Variants in INPP5B observed in about 807,000 individuals in gnomAD.
The protein encoded by INPP5B is inositol polyphosphate-5-phosphatase B.
INPP5B carries 90 observed loss-of-function variants against 118.5 expected under a neutral mutation model. The ratio of observed to expected loss-of-function variants is 0.76; its 90% CI spans 0.64 to 0.90. INPP5B has a LOEUF of 0.90. INPP5B is among the 40% of genes least tolerant of loss of function. The probability of loss-of-function intolerance (pLI) is 0.00; values close to 1 mark genes in which losing one functional copy is unlikely to be tolerated. For missense variants in INPP5B, 984 were observed against 1,125.6 expected, an observed-to-expected ratio of 0.87 and a Z score of 1.80; for synonymous variants, 385 against 418.9, an observed-to-expected ratio of 0.92 and a Z score of 0.99.
At chr1:37,944,757 T>G (rs1646056219) in intron 3 of INPP5B, among the ~76,000 whole-genome samples, 1 of 151,962 alleles carries the variant, frequency 6.6e-6, no homozygotes, top group Admixed American at 6.6e-5. Context: ...AATTTTCTTA[T>G]TTTTTGTAGA....
At chr1:37,943,755 C>T in intron 4 of INPP5B, 41 bp downstream of exon 4, 1 of 1,609,018 alleles carries the variant, frequency 6.2e-7, no homozygotes, top group Non-Finnish European at 8.5e-7. Flanking sequence ...AGCTGGGGGG[C>T]CCATAGGAGA....
intron 6 of INPP5B, among the ~76,000 whole-genome samples, chr1:37,933,201 T>C (rs1318670214): frequency 6.6e-6 from 1 of 152,212 alleles, no homozygotes; most frequent in East Asian, 1.9e-4. Flanking sequence ...ACTTGGCTTA[T>C]TGAAGAAGGC....
intron 7 of INPP5B, among the ~76,000 whole-genome samples, chr1:37,896,844 G>GC (rs1644116520): frequency 7.3e-6 from 1 of 136,326 alleles, no homozygotes; most frequent in Non-Finnish European, 1.6e-5. Flanking sequence ...CTGCCTAGCC[G>GC]CCCCTACGGG....
chr1:37,888,493 C>A, intron 9 of INPP5B, 149 bp from the exon 10 acceptor site: 1 of 481,880 alleles, frequency 2.1e-6, no homozygotes, highest in Non-Finnish European at 3.7e-6. Context: ...ACCAGGACTG[C>A]AGCACCAAGG....
chr1:37,884,998 T>C (rs1465171169), intron 13 of INPP5B: 3 of 152,098 alleles, frequency 2.0e-5, no homozygotes, highest in South Asian at 4.1e-4. Context: ...CAAGGACACA[T>C]GATGCTTGAG....
chr1:37,893,824 C>CT (rs1227821202), intron 7 of INPP5B, among the ~76,000 whole-genome samples: 2 of 152,222 alleles, frequency 1.3e-5, no homozygotes, highest in Non-Finnish European at 2.9e-5. Context: ...ATGCCATGCT[C>CT]TAAGCATATT....
At chr1:37,891,307 TGAG>T (rs763279105) in intron 8 of INPP5B, 48 bp downstream of exon 8, 3 of 1,345,760 alleles carry the variant, frequency 2.2e-6, no homozygotes, top group South Asian at 2.3e-5. Flanking sequence ...CTCAGTACTG[TGAG>T]GAGAACCTCA....
chr1:37,883,066 C>T (rs528353319), intron 13 of INPP5B, 148 bp from the exon 14 acceptor site: 6 of 1,435,150 alleles, frequency 4.2e-6, no homozygotes, highest in East Asian at 2.5e-5. Context: ...TTTTTTCTCT[C>T]GCCATCCCAT....
At chr1:37,866,261 A>T (rs887955712) in intron 21 of INPP5B, among the ~76,000 whole-genome samples, 198 bp downstream of exon 21, 2 of 152,202 alleles carry the variant, frequency 1.3e-5, no homozygotes, top group Non-Finnish European at 1.5e-5. Flanking sequence ...TGTCTCAAAA[A>T]ATAAATAAAT....
chr1:37,944,035 C>T, intron 3 of INPP5B, 142 bp from the exon 4 acceptor site: 3 of 658,492 alleles, frequency 4.6e-6, no homozygotes, highest in Non-Finnish European at 8.3e-6. Flanking sequence ...CTCCTCATGC[C>T]ATCTCTGTCT....
chr1:37,873,239 G>C, intron 18 of INPP5B, 74 bp from the exon 19 acceptor site: 3 of 1,027,638 alleles, frequency 2.9e-6, no homozygotes, highest in Non-Finnish European at 4.6e-6. Context: ...CAGGAGGGAA[G>C]AGGGTAAGGC....
rs542647691 is a variant in INPP5B at position 37,863,006 on chromosome 1, C to T, written c.2627-576G>A. ...GCCTCTCTGGTTCCTGCCTCCTCCC[C>T]CAACCACCCCGTGTCCCCAGTGGGG... On this transcript the variant is annotated intron_variant, in intron 23 of 23. Coordinates refer to ENST00000373024, the MANE Select transcript of INPP5B (RefSeq NM_005540.3). Among the ~76,000 whole-genome samples the T allele has an allele frequency of 3.3e-5, 5 of 152,302 alleles. No homozygotes were observed. The South Asian group carries it at 1.0e-3, about 32-fold the overall frequency.
At chr1:37,873,210 G>C in intron 18 of INPP5B, 45 bp from the exon 19 acceptor site, 1 of 1,370,750 alleles carries the variant, frequency 7.3e-7, no homozygotes, top group Non-Finnish European at 1.0e-6. Context: ...GGCAGGCCAA[G>C]AGGAAAGGGG....
intron 7 of INPP5B, among the ~76,000 whole-genome samples, chr1:37,912,073 A>C (rs991049651): frequency 6.6e-6 from 1 of 152,174 alleles, no homozygotes; most frequent in African/African-American, 2.4e-5. Flanking sequence ...ACTATCTTCC[A>C]GTCCTCCAGC....
At position 37,945,769 on chromosome 1, in the gene INPP5B, C is replaced by A; in HGVS notation, c.139G>T (p.Gly47Cys). The A allele has an allele frequency of 2.5e-6, 4 of 1,613,750 alleles. No individual in the cohort carries two copies. In the African/African-American group the frequency reaches 4.0e-5, roughly 16 times the overall value. ...GLVRYRLEHG[G>C]QEHALFLYTH... ...CCCCTCACTCACGCGTGTTCCTGGCCGCCGTGCTCCAGGCGGTAGCGCACG... is the reference window on the plus strand; with the variant it reads ...CCCCTCACTCACGCGTGTTCCTGGCAGCCGTGCTCCAGGCGGTAGCGCACG... Residue 47 changes from glycine to cysteine, a missense_variant, in exon 3 of 24, where the codon GGC (glycine) becomes TGC (cysteine). By Grantham distance (159) the Gly-to-Cys change is radical. Transcript: ENST00000373024.
chr1:37,887,360 T>G lies in INPP5B; in HGVS notation c.1005A>C (p.Lys335Asn), dbSNP rs1258441065. ...CTGACTCCTCTCTTACCTTTGCATA[T>G]TTGGCATCTGGATGAAGACCCTCTG... ...AVSEGLHPDA[K>N]YAKVKLIRLV... Residue 335 changes from lysine to asparagine, a missense_variant, in exon 11 of 24, where the codon AAA becomes AAC. Physicochemically the swap from Lys to Asn is moderately conservative, Grantham distance 94. Transcript: ENST00000373024. 6.3e-7 allele frequency: 1 copy of G among 1,594,764 alleles called. No homozygotes were observed. Among genetic ancestry groups the G allele is most frequent in the African/African-American group, 1.3e-5 (1 of 74,352 alleles).
At chr1:37,897,647 T>A (rs1644170987) in intron 7 of INPP5B, among the ~76,000 whole-genome samples, 1 of 151,466 alleles carries the variant, frequency 6.6e-6, no homozygotes, top group Non-Finnish European at 1.5e-5. Context: ...TTTGTTCACT[T>A]GTTTATCTGC....
At chr1:37,937,225 C>T (rs1645731008) in intron 6 of INPP5B, among the ~76,000 whole-genome samples, 1 of 151,898 alleles carries the variant, frequency 6.6e-6, no homozygotes, top group Admixed American at 6.6e-5. Context: ...GTAGAACAGT[C>T]ACTTGAATCC....
chr1:37,903,726 CA>C (rs56197070), intron 7 of INPP5B, among the ~76,000 whole-genome samples: 47,869 of 147,234 alleles, frequency 0.33, 7,715 homozygotes, highest in African/African-American at 0.41. Flanking sequence ...GACTCCGTCT[CA>C]AAAAAAAAAA....
Sources: allele counts gnomAD v4.1 joint callset (sites outside exome capture counted in the v4.1 genomes callset), GRCh38; gene constraint gnomAD v4.1.1; transcripts MANE v1.5; gene names NCBI Gene and HGNC (gene_info 2026-07-23, HGNC 2026-07-21).